Variants in NAV2 observed in about 807,000 individuals in gnomAD.
The protein encoded by NAV2 is helicase, APC down-regulated 1.
In NAV2, 54 loss-of-function variants were observed where a neutral mutation model predicts 223.2. The ratio of observed to expected loss-of-function variants is 0.24; its 90% CI spans 0.19 to 0.30. The LOEUF (loss-of-function observed/expected upper bound fraction) is 0.30. Ranked by LOEUF, NAV2 falls within the 10% of genes least tolerant of loss-of-function variation. NAV2 has a pLI of 1.00. For synonymous variants in NAV2, 1,279 were observed against 1,239.3 expected (o/e 1.03, Z -0.67); for missense variants, 2,806 against 3,147.5 (o/e 0.89, Z 2.60).
intron 2 of NAV2, among the ~76,000 whole-genome samples, chr11:19,841,297 G>A (rs1234114448): frequency 1.3e-5 from 2 of 152,082 alleles, no homozygotes; most frequent in African/African-American, 4.8e-5. Context: ...ATTTTCACTT[G>A]TCTCTCAAGA....
intron 1 of NAV2, among the ~76,000 whole-genome samples, chr11:19,363,924 C>A (rs761261932): frequency 2.0e-5 from 3 of 152,220 alleles, no homozygotes; most frequent in Non-Finnish European, 4.4e-5. Flanking sequence ...AGCTTCCAGG[C>A]CTCTCTAGGG....
At position 19,713,432 on chromosome 11, in the gene NAV2, G is replaced by A; in HGVS notation, c.-264G>A. ...AGCTCTTGAAAGGCCACCCAGGAGA[G>A]GTGTGAGACCCGGCGGCAGCATCCG... On this transcript the variant is annotated 5_prime_UTR_variant, in exon 1 of 38. Transcript: ENST00000349880. The surrounding 1 kb of genome is among the most constrained non-coding windows in gnomAD (Gnocchi z 7.2). 7.9e-7 allele frequency: 1 copy of A among 1,265,562 alleles called. No individual in the cohort carries two copies. The highest frequency in any genetic ancestry group is 3.1e-5 in the East Asian group (1 of 32,182). 78.4% of individuals were successfully genotyped at this position (1,265,562 alleles called of 1,614,324 possible).
chr11:19,880,383 G>A (rs1229465979), intron 5 of NAV2, among the ~76,000 whole-genome samples: 2 of 152,108 alleles, frequency 1.3e-5, no homozygotes, highest in Non-Finnish European at 1.5e-5. Context: ...CTATTACTCC[G>A]GCCTATTACA....
At chr11:20,048,173 C>T (rs1262896693) in intron 14 of NAV2, among the ~76,000 whole-genome samples, 1 of 152,126 alleles carries the variant, frequency 6.6e-6, no homozygotes, top group African/African-American at 2.4e-5. Flanking sequence ...TACATCTTTC[C>T]AGTTGCGTTT....
At chr11:19,451,738 AAAG>A (rs1374645620) in intron 1 of NAV2, among the ~76,000 whole-genome samples, 1 of 152,198 alleles carries the variant, frequency 6.6e-6, no homozygotes, top group Non-Finnish European at 1.5e-5. Context: ...TCCTAGCAGG[AAAG>A]AAGGGAAGAG....
chr11:19,836,193 A>G (rs982126379), intron 2 of NAV2, among the ~76,000 whole-genome samples: 1 of 152,184 alleles, frequency 6.6e-6, no homozygotes, highest in Admixed American at 6.5e-5. Flanking sequence ...TCTAAATTGT[A>G]TGTCACACCT....
chr11:19,681,515 C>A (rs1243106094), intron 1 of NAV2, among the ~76,000 whole-genome samples: 1 of 152,128 alleles, frequency 6.6e-6, no homozygotes, highest in East Asian at 1.9e-4. Context: ...CTTCTAGAAG[C>A]CTATCGATTT....
chr11:19,638,214 G>A (rs371630068), intron 1 of NAV2, among the ~76,000 whole-genome samples: 21 of 152,128 alleles, frequency 1.4e-4, no homozygotes, highest in African/African-American at 4.6e-4. Context: ...GATAAAGACT[G>A]GGCCAATCAT....
chr11:19,485,283 T>A (rs537082726), intron 1 of NAV2, among the ~76,000 whole-genome samples: 1 of 152,298 alleles, frequency 6.6e-6, no homozygotes, highest in East Asian at 1.9e-4. Context: ...TGTGGTGTTA[T>A]CCAAGGCTCT....
At chr11:19,466,156 A>T (rs977804794) in intron 1 of NAV2, among the ~76,000 whole-genome samples, 5 of 152,218 alleles carry the variant, frequency 3.3e-5, no homozygotes, top group African/African-American at 1.2e-4. Context: ...GATGTGCCAG[A>T]TGGGAAGACA....
At chr11:19,831,259 A>C (rs1480950359) in intron 1 of NAV2, among the ~76,000 whole-genome samples, 2 of 48,946 alleles carry the variant, frequency 4.1e-5, no homozygotes, top group African/African-American at 7.9e-5. Context: ...GTGGGGGGGG[A>C]TGACCATTGT....
chr11:19,700,890 C>T (rs549052131), intron 1 of NAV2, among the ~76,000 whole-genome samples: 2 of 152,170 alleles, frequency 1.3e-5, no homozygotes, highest in African/African-American at 4.8e-5. Flanking sequence ...TGGCATGTTG[C>T]CCAGCATTTG....
intron 1 of NAV2, among the ~76,000 whole-genome samples, chr11:19,616,335 T>TGTGTGCGC (rs1159006427): frequency 3.2e-4 from 47 of 148,406 alleles, no homozygotes; most frequent in African/African-American, 1.1e-3. Flanking sequence ...TGTGTGTGTG[T>TGTGTGCGC]GCGCGCGCAT....
At chr11:20,108,184 T>G (rs2062307673) in intron 36 of NAV2, among the ~76,000 whole-genome samples, 1 of 152,194 alleles carries the variant, frequency 6.6e-6, no homozygotes, top group Admixed American at 6.5e-5. Context: ...TCCTGGAACT[T>G]GGACAGAAAT....
chr11:19,580,920 A>G (rs2045696839), intron 1 of NAV2, among the ~76,000 whole-genome samples: 1 of 152,222 alleles, frequency 6.6e-6, no homozygotes, highest in African/African-American at 2.4e-5. Flanking sequence ...AAGCCTACTT[A>G]TAGGATACTC....
At chr11:20,103,520 C>G in intron 33 of NAV2, 111 bp downstream of exon 33, 2 of 1,493,742 alleles carry the variant, frequency 1.3e-6, no homozygotes, top group Non-Finnish European at 1.8e-6. Flanking sequence ...GCTGTGCACA[C>G]GCATAGGGTT....
At chr11:19,963,363 T>G (rs1253316689) in intron 10 of NAV2, among the ~76,000 whole-genome samples, 1 of 152,178 alleles carries the variant, frequency 6.6e-6, no homozygotes, top group Non-Finnish European at 1.5e-5. Flanking sequence ...GCCAGGCTGA[T>G]TCAAAGCCCG....
At chr11:19,627,492 T>C (rs1280166828) in intron 1 of NAV2, among the ~76,000 whole-genome samples, 2 of 152,072 alleles carry the variant, frequency 1.3e-5, no homozygotes, top group African/African-American at 4.8e-5. Context: ...TGCATGAAAT[T>C]CTCTGGTCAC....
chr11:19,939,182 C>A (rs1428432956), intron 7 of NAV2, among the ~76,000 whole-genome samples: 1 of 152,136 alleles, frequency 6.6e-6, no homozygotes, highest in Non-Finnish European at 1.5e-5. Flanking sequence ...CTGCTTGGCA[C>A]CCACTTCCGA....
Sources: gnomAD v4.1 joint callset for allele counts (sites outside exome capture counted in the v4.1 genomes callset) on GRCh38, gnomAD v4.1.1 for gene constraint, Gnocchi (gnomAD v3.1) non-coding constraint, MANE v1.5 for transcripts, NCBI Gene and HGNC (gene_info 2026-07-23, HGNC 2026-07-21) for gene names.